Variants in ESRRB observed in about 807,000 individuals in gnomAD.
The protein encoded by ESRRB is estrogen related receptor beta, also known as steroid hormone receptor ERR2.
Under a neutral mutation model 46.0 loss-of-function variants are expected in ESRRB, and 16 were observed. That is an observed-to-expected ratio of 0.35 (90% CI 0.24 to 0.53). The LOEUF is 0.53. ESRRB is among the 20% of genes least tolerant of loss of function. ESRRB has a pLI of 0.93. For missense variants in ESRRB, 488 were observed against 607.4 expected (o/e 0.80, Z 2.07); for synonymous variants, 246 against 259.6 (o/e 0.95, Z 0.50).
intron 1 of ESRRB, among the ~76,000 whole-genome samples, chr14:76,403,975 T>C (rs1042202222): frequency 6.6e-6 from 1 of 152,058 alleles, no homozygotes; most frequent in Non-Finnish European, 1.5e-5. Context: ...CACCTCGGCC[T>C]CCCAAAGTGC....
intron 1 of ESRRB, among the ~76,000 whole-genome samples, chr14:76,429,926 A>T (rs1267070185): frequency 6.6e-6 from 1 of 151,992 alleles, no homozygotes; most frequent in Non-Finnish European, 1.5e-5. Context: ...CTGGTTCGTA[A>T]CACTTAACCA....
chr14:76,458,288 T>C (rs934361475), intron 2 of ESRRB, among the ~76,000 whole-genome samples: 30 of 152,198 alleles, frequency 2.0e-4, no homozygotes, highest in Middle Eastern at 3.4e-3. Flanking sequence ...TGAATTAATC[T>C]CATCACTTTA....
At chr14:76,394,691 G>A (rs1885602259) in intron 1 of ESRRB, among the ~76,000 whole-genome samples, 1 of 152,210 alleles carries the variant, frequency 6.6e-6, no homozygotes, top group Non-Finnish European at 1.5e-5. Flanking sequence ...TCTTGTGGAT[G>A]CAAATTGTTT....
At chr14:76,385,826 A>C (rs1487485683) in intron 1 of ESRRB, among the ~76,000 whole-genome samples, 2 of 152,202 alleles carry the variant, frequency 1.3e-5, no homozygotes, top group East Asian at 3.8e-4. Flanking sequence ...CTTTCTCAGG[A>C]AGTAATTGAC....
intron 2 of ESRRB, among the ~76,000 whole-genome samples, chr14:76,454,752 T>C (rs1888530620): frequency 6.6e-6 from 1 of 152,230 alleles, no homozygotes; most frequent in African/African-American, 2.4e-5. Flanking sequence ...AGTTTAGATT[T>C]TGTTCTCTGC....
chr14:76,451,006 T>C (rs1037577511), intron 2 of ESRRB, among the ~76,000 whole-genome samples: 7 of 152,186 alleles, frequency 4.6e-5, no homozygotes, highest in Admixed American at 4.6e-4. Context: ...AGTCAGAATG[T>C]GGTCAGCCTG....
At chr14:76,406,848 TAAAC>T (rs1251595444) in intron 1 of ESRRB, among the ~76,000 whole-genome samples, 4 of 152,226 alleles carry the variant, frequency 2.6e-5, no homozygotes, top group Non-Finnish European at 5.9e-5. Flanking sequence ...TGTGGACAAA[TAAAC>T]AGACTAATTG....
intron 1 of ESRRB, among the ~76,000 whole-genome samples, chr14:76,431,238 T>C (rs1887429504): frequency 2.0e-5 from 3 of 152,092 alleles, no homozygotes; most frequent in South Asian, 4.2e-4. Flanking sequence ...GAGGTTGCAG[T>C]GAGCCAGATG....
chr14:76,402,975 G>C (rs1886006219), intron 1 of ESRRB, among the ~76,000 whole-genome samples: 1 of 152,038 alleles, frequency 6.6e-6, no homozygotes, highest in African/African-American at 2.4e-5. Context: ...GTTTTTTGTA[G>C]AGACAGGGTC....
chr14:76,320,059 C>G (rs1236170319), intron 1 of ESRRB, among the ~76,000 whole-genome samples: 2 of 152,178 alleles, frequency 1.3e-5, no homozygotes, highest in African/African-American at 4.8e-5. Context: ...GCCAAGCATG[C>G]TTTGGCTTCC....
chr14:76,466,005 G>A (rs1046055999), intron 3 of ESRRB, among the ~76,000 whole-genome samples: 3 of 152,230 alleles, frequency 2.0e-5, no homozygotes, highest in Non-Finnish European at 4.4e-5. Flanking sequence ...CAGCTGCCTG[G>A]CTTGGCTTTT....
At chr14:76,475,165 T>C (rs576443514) in intron 3 of ESRRB, among the ~76,000 whole-genome samples, 4 of 151,146 alleles carry the variant, frequency 2.6e-5, no homozygotes, top group Admixed American at 1.3e-4. Context: ...GGCTGGGAGG[T>C]CAAGGATGCA....
intron 1 of ESRRB, among the ~76,000 whole-genome samples, chr14:76,403,568 C>T (rs1302373130): frequency 2.0e-5 from 3 of 152,040 alleles, no homozygotes; most frequent in Non-Finnish European, 2.9e-5. Context: ...GAGCATAGCT[C>T]AGGGTGTTCT....
At chr14:76,361,031 C>A (rs943407643) in intron 1 of ESRRB, among the ~76,000 whole-genome samples, 1 of 152,250 alleles carries the variant, frequency 6.6e-6, no homozygotes, top group Non-Finnish European at 1.5e-5. Flanking sequence ...GGCTTCCACC[C>A]TGGTTGGAGG....
At chr14:76,464,618 C>T (rs1211533172) in intron 3 of ESRRB, among the ~76,000 whole-genome samples, 2 of 152,156 alleles carry the variant, frequency 1.3e-5, no homozygotes, top group Non-Finnish European at 2.9e-5. Flanking sequence ...CCAGCTGCTT[C>T]GTTAGGGGCT....
chr14:76,379,649 G>C (rs1884926109), intron 1 of ESRRB, among the ~76,000 whole-genome samples: 1 of 152,128 alleles, frequency 6.6e-6, no homozygotes, highest in African/African-American at 2.4e-5. Context: ...TAGGAGGTGG[G>C]AGGTGTTCAG....
intron 1 of ESRRB, among the ~76,000 whole-genome samples, chr14:76,344,485 T>C (rs1460150150): frequency 6.6e-6 from 1 of 151,720 alleles, no homozygotes; most frequent in Non-Finnish European, 1.5e-5. Context: ...TGCATCCTCA[T>C]AGCTTAGATC....
chr14:76,351,290 G>A (rs866912985), intron 1 of ESRRB, among the ~76,000 whole-genome samples: 1 of 152,220 alleles, frequency 6.6e-6, no homozygotes. Flanking sequence ...TGTTCTGAAG[G>A]TTAGAAGTCC....
chr14:76,448,687 A>G (rs1463564033), intron 2 of ESRRB, among the ~76,000 whole-genome samples: 3 of 152,004 alleles, frequency 2.0e-5, no homozygotes, highest in Non-Finnish European at 4.4e-5. Flanking sequence ...AGTACCTGGC[A>G]TGTAGAAGGT....
Sources: gnomAD v4.1 joint callset for allele counts (sites outside exome capture counted in the v4.1 genomes callset) on GRCh38, gnomAD v4.1.1 for gene constraint, MANE v1.5 for transcripts, NCBI Gene and HGNC (gene_info 2026-07-23, HGNC 2026-07-21) for gene names.